PRKAR1A: variants seen among roughly 807,000 people sequenced by gnomAD.
The protein encoded by PRKAR1A is cAMP-dependent protein kinase type I-alpha regulatory subunit.
PRKAR1A carries 3 observed loss-of-function variants against 52.0 expected under a neutral mutation model. The observed-to-expected ratio is 0.06, with a 90% CI of 0.03 to 0.15. The LOEUF (loss-of-function observed/expected upper bound fraction) is 0.15, where lower values mean the gene tolerates loss of function less well. Among genes scored for constraint, PRKAR1A ranks in the 10% least tolerant of loss-of-function variants. The probability of loss-of-function intolerance (pLI) is 1.00; values close to 1 mark genes in which losing one functional copy is unlikely to be tolerated. For synonymous variants in PRKAR1A, 188 were observed against 168.4 expected (o/e 1.12, Z -0.90); for missense variants, 240 against 477.4 (o/e 0.50, Z 4.63).
At chr17:68,429,865 A>G in the PRKAR1A span, 9 of 1,335,764 alleles carry the variant, frequency 6.7e-6, no homozygotes, top group East Asian at 2.4e-5. Flanking sequence ...CCGGGATTAC[A>G]GATGTAAGCC....
chr17:68,434,801 T>C, the PRKAR1A span, among the ~76,000 whole-genome samples: 2 of 152,130 alleles, frequency 1.3e-5, no homozygotes, highest in African/African-American at 4.8e-5. Flanking sequence ...TCTTGGAAAA[T>C]GTTATAAACA....
intron 11 of PRKAR1A, chr17:68,541,056 C>G: frequency 6.5e-7 from 1 of 1,532,782 alleles, no homozygotes; most frequent in Non-Finnish European, 8.8e-7. Context: ...CCCTGCCTCC[C>G]TGATCCTGCC....
At chr17:68,461,390 G>A in the PRKAR1A span, among the ~76,000 whole-genome samples, 9 of 152,156 alleles carry the variant, frequency 5.9e-5, no homozygotes, top group African/African-American at 7.2e-5. This position sits in a 1 kb window ranked among gnomAD's most constrained non-coding sequence, Gnocchi z 4.6. Flanking sequence ...TAACAATCAG[G>A]TTGTAATTTT....
chr17:68,489,241 ATATATATATATATATATATGGAAAG>A, the PRKAR1A span, among the ~76,000 whole-genome samples: 43 of 28,944 alleles, frequency 1.5e-3, no homozygotes, highest in East Asian at 9.2e-3. Flanking sequence ...GAAAGTATAT[ATATATATATATATATATATGGAAAG>A]TATATATATA....
intron 7 of PRKAR1A, among the ~76,000 whole-genome samples, chr17:68,526,815 GTACTT>G (rs796487024): frequency 4.2e-4 from 64 of 152,266 alleles, no homozygotes; most frequent in African/African-American, 1.5e-3. Context: ...TACCTGTGGT[GTACTT>G]TACTTATTAC....
the PRKAR1A span, among the ~76,000 whole-genome samples, chr17:68,427,810 C>T: frequency 1.2e-4 from 19 of 152,316 alleles, no homozygotes; most frequent in South Asian, 1.7e-3. Flanking sequence ...CGGTGGGGGG[C>T]GGTGGCAGCT....
downstream of PRKAR1A, chr17:68,535,333 T>C (rs1268747685): frequency 6.6e-6 from 3 of 454,026 alleles, no homozygotes; most frequent in African/African-American, 4.0e-5. Flanking sequence ...TATTGCTTTC[T>C]GTTTGTAGAG....
chr17:68,482,814 T>C, the PRKAR1A span, among the ~76,000 whole-genome samples: 1 of 152,248 alleles, frequency 6.6e-6, no homozygotes, highest in Non-Finnish European at 1.5e-5. Context: ...ATAAACTATT[T>C]GCTCTCAGCA....
chr17:68,543,953 A>G (rs566949214), intron 11 of PRKAR1A, among the ~76,000 whole-genome samples: 2 of 152,308 alleles, frequency 1.3e-5, no homozygotes, highest in East Asian at 3.9e-4. Context: ...AGGCACCACC[A>G]ATACCAAGTT....
At chr17:68,468,080 T>C in the PRKAR1A span, among the ~76,000 whole-genome samples, 9 of 152,250 alleles carry the variant, frequency 5.9e-5, no homozygotes, top group Admixed American at 3.9e-4. Flanking sequence ...ATATACATTT[T>C]TTTTAGAGAG....
the PRKAR1A span, among the ~76,000 whole-genome samples, chr17:68,491,245 C>T: frequency 6.6e-6 from 1 of 152,020 alleles, no homozygotes; most frequent in Non-Finnish European, 1.5e-5. Flanking sequence ...GCATGTGCCA[C>T]CATGCCCAGC....
At chr17:68,496,539 C>T in the PRKAR1A span, among the ~76,000 whole-genome samples, 1 of 152,168 alleles carries the variant, frequency 6.6e-6, no homozygotes, top group East Asian at 1.9e-4. Context: ...AATATTAATT[C>T]CCATTTGCCA....
chr17:68,490,603 T>C, the PRKAR1A span, among the ~76,000 whole-genome samples: 4 of 152,126 alleles, frequency 2.6e-5, no homozygotes, highest in East Asian at 7.7e-4. Context: ...TTTTTTTTTC[T>C]TAAGGTTTGG....
the PRKAR1A span, chr17:68,457,509 C>G: frequency 8.8e-7 from 1 of 1,134,196 alleles, no homozygotes; most frequent in Non-Finnish European, 1.1e-6. Flanking sequence ...GCCGGGTCGC[C>G]GGTCCTGCCC....
the PRKAR1A span, chr17:68,434,609 C>T: frequency 1.9e-6 from 3 of 1,613,924 alleles, no homozygotes; most frequent in African/African-American, 1.3e-5. Context: ...GGACAGAGAA[C>T]ACCCGGATGA....
chr17:68,537,945 CG>C (rs1369052225), downstream of PRKAR1A, among the ~76,000 whole-genome samples: 2 of 152,048 alleles, frequency 1.3e-5, no homozygotes, highest in Non-Finnish European at 2.9e-5. This position sits in a 1 kb window ranked among gnomAD's most constrained non-coding sequence, Gnocchi z 4.2. Context: ...TGCCCAATTG[CG>C]ATTTGGTCAA....
In PRKAR1A at chr17:68,532,723, A is replaced by G. The variant is rs2086010261; in HGVS notation, c.*2274A>G. On this transcript the variant is annotated 3_prime_UTR_variant, in exon 11 of 11. Transcript: ENST00000589228. ...ACTTTTTTTGTTATAGATTGTCTTA[A>G]TGGTAGGTCAAGTAATAAAAAGAGA... is the stretch of plus-strand genomic sequence containing the variant. 1 of 1,066,210 alleles carries G rather than the reference A, an allele frequency of 9.4e-7. No homozygotes were observed. The highest frequency in any genetic ancestry group is 1.6e-5 in the African/African-American group (1 of 61,246). The allele number at this position is 1,066,210 out of a possible 1,614,324, so 66.0% of individuals were successfully genotyped here. A position where few individuals can be genotyped will look rare whatever the true frequency, so the allele number is the denominator to read the frequency against.
chr17:68,416,855 A>C, the PRKAR1A span, among the ~76,000 whole-genome samples: 1 of 152,074 alleles, frequency 6.6e-6, no homozygotes, highest in Non-Finnish European at 1.5e-5. Context: ...ATTTCCTTGA[A>C]TATTTCTCCC....
intron 11 of PRKAR1A, among the ~76,000 whole-genome samples, chr17:68,544,684 A>G (rs914941072): frequency 2.0e-5 from 3 of 152,076 alleles, no homozygotes; most frequent in Admixed American, 6.6e-5. Flanking sequence ...TAGAGATTCT[A>G]TTTTAAAAGG....
Sources: gnomAD v4.1 joint callset for allele counts (sites outside exome capture counted in the v4.1 genomes callset) on GRCh38, gnomAD v4.1.1 for gene constraint, Gnocchi (gnomAD v3.1) non-coding constraint, MANE v1.5 for transcripts, NCBI Gene and HGNC (gene_info 2026-07-23, HGNC 2026-07-21) for gene names.